The following GULP1 variants were observed in gnomAD, a reference collection of about 807,000 sequenced individuals.
GULP1 encodes the protein GULP PTB domain containing engulfment adaptor 1, also known as PTB domain-containing engulfment adapter protein 1.
GULP1 carries 19 observed loss-of-function variants against 40.9 expected under a neutral mutation model. The ratio of observed to expected loss-of-function variants is 0.46; its 90% confidence interval spans 0.32 to 0.68. The LOEUF (loss-of-function observed/expected upper bound fraction) is 0.68. GULP1 is among the 30% of genes least tolerant of loss of function. The pLI is 0.03. For missense variants in GULP1, 312 were observed against 362.2 expected (o/e 0.86, Z 1.12); for synonymous variants, 119 against 117.6 (o/e 1.01, Z -0.08).
At chr2:188,303,037 C>T (rs548772731) in intron 1 of GULP1, among the ~76,000 whole-genome samples, 50 of 152,238 alleles carry the variant, frequency 3.3e-4, no homozygotes, top group African/African-American at 1.2e-3. Context: ...ATAAAGTTTG[C>T]CTTCCTGTTC....
chr2:188,532,405 A>G (rs1371268810), intron 6 of GULP1, among the ~76,000 whole-genome samples: 1 of 152,152 alleles, frequency 6.6e-6, no homozygotes, highest in Non-Finnish European at 1.5e-5. Flanking sequence ...GCGCTACAAG[A>G]TGGCTACCAC....
intron 1 of GULP1, among the ~76,000 whole-genome samples, chr2:188,347,517 A>G (rs969848608): frequency 1.3e-5 from 2 of 152,174 alleles, no homozygotes; most frequent in African/African-American, 2.4e-5. Flanking sequence ...CAAAAAAGTC[A>G]GTGACTTAAC....
chr2:188,429,942 C>A (rs73040452), intron 2 of GULP1, among the ~76,000 whole-genome samples: 2 of 152,120 alleles, frequency 1.3e-5, no homozygotes, highest in East Asian at 1.9e-4. Flanking sequence ...ATCTCCTGAC[C>A]TCATGATCCA....
At chr2:188,525,452 T>A (rs1685924403) in intron 5 of GULP1, among the ~76,000 whole-genome samples, 1 of 152,162 alleles carries the variant, frequency 6.6e-6, no homozygotes, top group African/African-American at 2.4e-5. Context: ...GTAGTAATTT[T>A]AAACCCTTTC....
At chr2:188,408,502 A>C (rs2053437862) in intron 2 of GULP1, among the ~76,000 whole-genome samples, 2 of 152,218 alleles carry the variant, frequency 1.3e-5, no homozygotes, top group Admixed American at 6.5e-5. Context: ...CAAACAGTGG[A>C]GCACTTAAAT....
intron 2 of GULP1, among the ~76,000 whole-genome samples, chr2:188,470,645 T>A (rs1020392687): frequency 6.6e-6 from 1 of 152,130 alleles, no homozygotes; most frequent in African/African-American, 2.4e-5. Context: ...AATTTCCAAT[T>A]TCCTTCTCAA....
At chr2:188,395,309 G>C (rs894840409) in intron 2 of GULP1, among the ~76,000 whole-genome samples, 1 of 152,210 alleles carries the variant, frequency 6.6e-6, no homozygotes, top group African/African-American at 2.4e-5. Context: ...ATTCCAAGTA[G>C]AGTGGAATTC....
At chr2:188,441,933 G>A (rs193126255) in intron 2 of GULP1, among the ~76,000 whole-genome samples, 8 of 152,250 alleles carry the variant, frequency 5.3e-5, no homozygotes, top group South Asian at 2.1e-4. Flanking sequence ...TAGACTTTGC[G>A]TTGATGTGTT....
At chr2:188,591,539 A>G (rs1703553666) in intron 11 of GULP1, 1 of 151,924 alleles carries the variant, frequency 6.6e-6, no homozygotes, top group South Asian at 2.1e-4. Flanking sequence ...AAATCAACGT[A>G]AAATGCATTT....
chr2:188,384,301 A>T (rs2152511013), intron 2 of GULP1: 1 of 152,434 alleles, frequency 6.6e-6, no homozygotes, highest in East Asian at 1.9e-4. Flanking sequence ...ACACAGCAGC[A>T]GGCAAGAGAA....
chr2:188,364,349 G>A (rs1030827770), intron 1 of GULP1, among the ~76,000 whole-genome samples: 1 of 152,158 alleles, frequency 6.6e-6, no homozygotes, highest in South Asian at 2.1e-4. Context: ...ATTCACAGTG[G>A]AAAGTGAAGA....
In GULP1 at chr2:188,358,711, A is replaced by G. The variant is rs74412347; in HGVS notation, c.-171-25052A>G. On this transcript the variant is annotated intron_variant, in intron 1 of 11. Transcript: ENST00000409830. ...TTAGTGAGGTTGGAATAAGATTTAC[A>G]CAGTATAAAATTTAAGACTGCCTAA... is the stretch of plus-strand genomic sequence containing the variant. 2.6e-4 allele frequency among the ~76,000 whole-genome samples: 39 copies of G among 152,288 alleles called. No homozygotes were observed. In the East Asian group the frequency reaches 6.4e-3, roughly 25 times the overall value.
chr2:188,549,640 A>G (rs969978376), intron 7 of GULP1, among the ~76,000 whole-genome samples: 11 of 151,828 alleles, frequency 7.2e-5, no homozygotes, highest in African/African-American at 1.9e-4. Context: ...CATTTATCCC[A>G]GAGAAATCAA....
At chr2:188,348,049 G>A (rs2043930203) in intron 1 of GULP1, among the ~76,000 whole-genome samples, 1 of 152,212 alleles carries the variant, frequency 6.6e-6, no homozygotes, top group Admixed American at 6.5e-5. Flanking sequence ...TGTAGTAGAT[G>A]TCAAAGAAAT....
At position 188,541,314 on chromosome 2, in the gene GULP1, A is replaced by C; in HGVS notation, c.395A>C (p.Lys132Thr). The C allele has an allele frequency of 6.2e-7, 1 of 1,613,118 alleles. No homozygotes were observed. The highest frequency in any genetic ancestry group is 1.1e-5 in the South Asian group (1 of 91,064). Residue 132 changes from lysine to threonine, a missense_variant, in exon 7 of 12, where the codon AAG (lysine) becomes ACG (threonine). Physicochemically the swap from Lys to Thr is moderately conservative, Grantham distance 78. Transcript: ENST00000409830. ...TTGTGCTATGTATTTGACAGCGAAAAGTGTGTAAGTATCCCAGATGTTGTA... is the reference window on the plus strand; with the variant it reads ...TTGTGCTATGTATTTGACAGCGAAACGTGTGTAAGTATCCCAGATGTTGTA... ...KHLCYVFDSE[K>T]CAEEITLTIG...
chr2:188,410,186 A>G (rs961447622), intron 2 of GULP1, among the ~76,000 whole-genome samples: 2 of 152,188 alleles, frequency 1.3e-5, no homozygotes, highest in Admixed American at 1.3e-4. Context: ...TCACATACAA[A>G]AATAAAAAAA....
chr2:188,339,518 A>G (rs969420997), intron 1 of GULP1, among the ~76,000 whole-genome samples: 5 of 152,182 alleles, frequency 3.3e-5, no homozygotes, highest in African/African-American at 1.2e-4. Context: ...TTAATTATAC[A>G]TTACTTAAAA....
chr2:188,465,192 AT>A (rs751569412), intron 2 of GULP1, among the ~76,000 whole-genome samples: 21 of 151,984 alleles, frequency 1.4e-4, no homozygotes, highest in Non-Finnish European at 2.4e-4. Flanking sequence ...GCTTCTGGTT[AT>A]TATTCTGGTT....
chr2:188,482,613 T>G (rs1224275794), intron 3 of GULP1, among the ~76,000 whole-genome samples: 2 of 151,746 alleles, frequency 1.3e-5, no homozygotes, highest in Admixed American at 6.6e-5. Context: ...TTTCTCCCCA[T>G]TATGCATTCC....
Sources: gnomAD v4.1 joint callset for allele counts (sites outside exome capture counted in the v4.1 genomes callset) on GRCh38, gnomAD v4.1.1 for gene constraint, MANE v1.5 for transcripts, NCBI Gene and HGNC (gene_info 2026-07-23, HGNC 2026-07-21) for gene names.